Variants in SKI observed in about 807,000 individuals in gnomAD.
SKI encodes SKI proto-oncogene, also known as ski oncogene.
In SKI, 23 loss-of-function variants were observed where a neutral mutation model predicts 59.3. The observed-to-expected ratio is 0.39, with a 90% CI of 0.28 to 0.55. The LOEUF is 0.55. Among genes scored for constraint, SKI ranks in the 20% least tolerant of loss-of-function variants. The probability of loss-of-function intolerance (pLI) is 0.67; values close to 1 mark genes in which losing one functional copy is unlikely to be tolerated. For synonymous variants in SKI, 673 were observed against 488.6 expected, an observed-to-expected ratio of 1.38 and a Z score of -4.98; for missense variants, 1,017 against 1,038.9, an observed-to-expected ratio of 0.98 and a Z score of 0.29.
chr1:2,237,545 T>C (rs1638777633), intron 1 of SKI, among the ~76,000 whole-genome samples: 1 of 152,190 alleles, frequency 6.6e-6, no homozygotes, highest in African/African-American at 2.4e-5. Context: ...CTGTCCTGGT[T>C]GGGGTGCTGC....
intron 1 of SKI, among the ~76,000 whole-genome samples, chr1:2,230,447 CGGCTGAGGGGCCTGGTCAGCA>C (rs1226544653): frequency 1.3e-5 from 2 of 152,204 alleles, no homozygotes; most frequent in Non-Finnish European, 1.5e-5. Flanking sequence ...ATTTGGCACC[CGGCTGAGGGGCCTGGTCAGCA>C]GGCTCCTGGG....
At chr1:2,239,969 C>T (rs934543509) in intron 1 of SKI, among the ~76,000 whole-genome samples, 4 of 152,204 alleles carry the variant, frequency 2.6e-5, no homozygotes, top group East Asian at 1.9e-4. Flanking sequence ...CTGAGCTCGG[C>T]GCCTCTAGTG....
chr1:2,232,119 T>C (rs1195396674), intron 1 of SKI, among the ~76,000 whole-genome samples: 1 of 152,236 alleles, frequency 6.6e-6, no homozygotes, highest in East Asian at 1.9e-4. Flanking sequence ...CGCCGTTGGC[T>C]CCTCCCACTC....
At chr1:2,293,343 G>A (rs1640207908) in intron 1 of SKI, among the ~76,000 whole-genome samples, 2 of 152,178 alleles carry the variant, frequency 1.3e-5, no homozygotes, top group African/African-American at 4.8e-5. Context: ...GGCCCTGAGT[G>A]GTGTTGCCCG....
intron 1 of SKI, among the ~76,000 whole-genome samples, chr1:2,247,032 C>A (rs1228678591): frequency 2.0e-5 from 3 of 152,270 alleles, no homozygotes; most frequent in Non-Finnish European, 4.4e-5. Context: ...ACCAGCCTGG[C>A]CAATATGGTG....
chr1:2,256,430 G>T (rs1639276650), intron 1 of SKI, among the ~76,000 whole-genome samples: 1 of 152,222 alleles, frequency 6.6e-6, no homozygotes, highest in South Asian at 2.1e-4. Flanking sequence ...CTCCGTCCTT[G>T]CTCCAGCGTT....
intron 1 of SKI, among the ~76,000 whole-genome samples, chr1:2,290,731 A>C (rs1640143694): frequency 6.6e-6 from 1 of 152,168 alleles, no homozygotes; most frequent in African/African-American, 2.4e-5. Flanking sequence ...CTTCTGCCCC[A>C]GCTAGCGCTT....
intron 1 of SKI, among the ~76,000 whole-genome samples, chr1:2,288,630 C>T (rs553629336): frequency 8.5e-5 from 13 of 152,334 alleles, no homozygotes; most frequent in Non-Finnish European, 1.5e-4. Flanking sequence ...GATGTGTTCT[C>T]TGCTCCCTTC....
At chr1:2,299,792 C>G (rs1244553196) in intron 1 of SKI, among the ~76,000 whole-genome samples, 2 of 152,230 alleles carry the variant, frequency 1.3e-5, no homozygotes, top group African/African-American at 2.4e-5. Context: ...AAGGCCTTCT[C>G]AATGGCTCTT....
In SKI at chr1:2,273,307, C is replaced by G. The variant is rs148410539; in HGVS notation, c.970-29671C>G. ...GGGTCCCTGTCCTGGCCGGCCACTC[C>G]TCCTTCCCGCCAGTGCCGGAGACCC... On this transcript the variant is annotated intron_variant, in intron 1 of 6. Coordinates refer to ENST00000378536, the MANE Select transcript of SKI (RefSeq NM_003036.4). 8.7e-4 allele frequency among the ~76,000 whole-genome samples: 132 copies of G among 152,234 alleles called. 1 individual carries two copies. In the East Asian group the frequency reaches 0.021, roughly 25 times the overall value.
chr1:2,278,922 A>G (rs1417357360), intron 1 of SKI, among the ~76,000 whole-genome samples: 1 of 152,100 alleles, frequency 6.6e-6, no homozygotes, highest in Non-Finnish European at 1.5e-5. Context: ...CCCCCATCCA[A>G]TTTCCCATGG....
At chr1:2,288,989 C>T (rs1048377894) in intron 1 of SKI, among the ~76,000 whole-genome samples, 3 of 152,216 alleles carry the variant, frequency 2.0e-5, no homozygotes, top group Non-Finnish European at 4.4e-5. Context: ...TCCCCGGTGC[C>T]GCCTGGTTTT....
At position 2,303,649 on chromosome 1, in the gene SKI, T is replaced by C. The variant is rs1424139440; in HGVS notation, c.1212-191T>C. 2 of 800,558 alleles carry C rather than the reference T, an allele frequency of 2.5e-6. No homozygotes were observed. The highest frequency in any genetic ancestry group is 1.7e-5 in the African/African-American group (1 of 58,192). The allele number at this position is 800,558 out of a possible 1,614,324, so 49.6% of individuals were successfully genotyped here. ...CAGCTTCTTGATGTGTTGGCCTGTG[T>C]CTGGCCTTCGCAAGAGACCCAGCAA... On this transcript the variant is annotated intron_variant, in intron 3 of 6. Transcript: ENST00000378536. This position sits in a 1 kb window ranked among gnomAD's most constrained non-coding sequence, Gnocchi z 5.6.
chr1:2,290,593 C>T (rs1230749110), intron 1 of SKI, among the ~76,000 whole-genome samples: 1 of 152,194 alleles, frequency 6.6e-6, no homozygotes, highest in African/African-American at 2.4e-5. Flanking sequence ...CCAGAGTTTT[C>T]TGTGCGCTGC....
intron 1 of SKI, among the ~76,000 whole-genome samples, chr1:2,241,425 C>G (rs1638870096): frequency 6.6e-6 from 1 of 152,142 alleles, no homozygotes. Context: ...CTGAGTCCTG[C>G]TCTGTCGCCC....
chr1:2,263,848 C>G (rs1307575546), intron 1 of SKI, among the ~76,000 whole-genome samples: 1 of 120,084 alleles, frequency 8.3e-6, no homozygotes, highest in Non-Finnish European at 1.7e-5. Flanking sequence ...GCCTGGGCGA[C>G]AAAGCAAGAC....
At chr1:2,246,802 A>G (rs1358738492) in intron 1 of SKI, among the ~76,000 whole-genome samples, 2 of 152,058 alleles carry the variant, frequency 1.3e-5, no homozygotes, top group Non-Finnish European at 2.9e-5. Context: ...TCTTCTGTGA[A>G]GGGGCACCTA....
intron 1 of SKI, among the ~76,000 whole-genome samples, chr1:2,278,157 G>A (rs1639786923): frequency 6.6e-6 from 1 of 152,218 alleles, no homozygotes; most frequent in Non-Finnish European, 1.5e-5. Flanking sequence ...GGACCCACTT[G>A]CTCCCAGCCT....
At chr1:2,293,396 C>T (rs1281312215) in intron 1 of SKI, among the ~76,000 whole-genome samples, 2 of 151,294 alleles carry the variant, frequency 1.3e-5, no homozygotes, top group South Asian at 2.1e-4. Flanking sequence ...CTGCGGATGT[C>T]GCTTCTCTGA....
Sources: gnomAD v4.1 joint callset for allele counts (sites outside exome capture counted in the v4.1 genomes callset) on GRCh38, gnomAD v4.1.1 for gene constraint, Gnocchi (gnomAD v3.1) non-coding constraint, MANE v1.5 for transcripts, NCBI Gene and HGNC (gene_info 2026-07-23, HGNC 2026-07-21) for gene names.